SIRPG: variants seen among roughly 807,000 people sequenced by gnomAD.
SIRPG encodes the protein signal regulatory protein gamma.
SIRPG carries 38 observed loss-of-function variants against 35.7 expected under a neutral mutation model. The observed-to-expected ratio is 1.06, with a 90% CI of 0.82 to 1.40. The LOEUF (loss-of-function observed/expected upper bound fraction) is 1.40, where lower values mean the gene tolerates loss of function less well. Ranked by LOEUF, SIRPG falls within the 40% of genes most tolerant of loss-of-function variation. The probability of loss-of-function intolerance (pLI) is 0.00; values close to 1 mark genes in which losing one functional copy is unlikely to be tolerated. For missense variants in SIRPG, 519 were observed against 483.0 expected (o/e 1.07, Z -0.70); for synonymous variants, 215 against 190.4 (o/e 1.13, Z -1.06).
At chr20:1,668,456 G>T in the SIRPG span, among the ~76,000 whole-genome samples, 4 of 151,790 alleles carry the variant, frequency 2.6e-5, no homozygotes, top group Admixed American at 2.0e-4. Context: ...GCTAATTTTT[G>T]TATTTTTAGT....
the SIRPG span, among the ~76,000 whole-genome samples, chr20:1,686,430 G>A: frequency 1.3e-3 from 191 of 152,278 alleles, 1 homozygote; most frequent in African/African-American, 3.5e-3. Context: ...AGCCTGCTCC[G>A]TCCAAATATC....
At chr20:1,661,318 G>A (rs773433917), upstream of SIRPG, among the ~76,000 whole-genome samples, 36 of 152,272 alleles carry the variant, frequency 2.4e-4, no homozygotes, top group Admixed American at 1.9e-3. Context: ...TAGGCATGAC[G>A]TCTGGGGGAA....
At chr20:1,649,530 G>A in intron 1 of SIRPG, 122 bp from the exon 2 acceptor site, 1 of 815,326 alleles carries the variant, frequency 1.2e-6, no homozygotes, top group Non-Finnish European at 1.9e-6. Flanking sequence ...CTTGATCTCA[G>A]CACACTGCAT....
chr20:1,645,386 C>A (rs568775610), intron 2 of SIRPG, among the ~76,000 whole-genome samples: 20 of 152,080 alleles, frequency 1.3e-4, no homozygotes, highest in Non-Finnish European at 5.9e-5. Context: ...CATTTTTAGG[C>A]GGATCCTGGG....
chr20:1,670,063 G>A, the SIRPG span: 6 of 257,716 alleles, frequency 2.3e-5, no homozygotes, highest in Admixed American at 2.0e-4. Flanking sequence ...AGCTTGTCCA[G>A]TCGTAGGTGC....
Position 1,649,137 on chromosome 20 carries a change from G to T in SIRPG, c.345C>A (p.Gly115=). The T allele has an allele frequency of 6.2e-7, 1 of 1,613,968 alleles. No homozygotes were observed. Among genetic ancestry groups the T allele is most frequent in the Non-Finnish European group, 8.5e-7 (1 of 1,179,930 alleles). The change falls in exon 2 of 6, where the codon GGC becomes GGA. Residue 115 remains glycine, a synonymous_variant. Coordinates refer to ENST00000303415, the MANE Select transcript of SIRPG (RefSeq NM_018556.4). ...RISSITPADV[G]TYYCVKFRKG... ...TTCGAAACTTCACACAGTAGTATGT[G>T]CCGACATCTGCTGGGGTGATGCTAC...
the SIRPG span, among the ~76,000 whole-genome samples, chr20:1,680,350 G>A: frequency 6.6e-6 from 1 of 152,150 alleles, no homozygotes; most frequent in Non-Finnish European, 1.5e-5. Flanking sequence ...CCCCTGGTCT[G>A]GAGTACAGTT....
chr20:1,640,084 G>C (rs1480089437), intron 2 of SIRPG, among the ~76,000 whole-genome samples: 4 of 152,060 alleles, frequency 2.6e-5, no homozygotes, highest in Admixed American at 6.5e-5. Flanking sequence ...TTTTTGCTTA[G>C]GATTGTCTTG....
the SIRPG span, among the ~76,000 whole-genome samples, chr20:1,681,569 A>G: frequency 6.6e-6 from 1 of 152,152 alleles, no homozygotes; most frequent in Non-Finnish European, 1.5e-5. Flanking sequence ...CAGTGGCTCA[A>G]GCCTGTAATC....
rs973825275 is a variant in SIRPG at position 1,640,359 on chromosome 20, T to C, written c.431-3854A>G. 1.8e-4 allele frequency among the ~76,000 whole-genome samples: 28 copies of C among 152,314 alleles called. 1 individual carries two copies. The highest frequency in any genetic ancestry group is 1.2e-3 in the Admixed American group (18 of 15,304). On this transcript the variant is annotated intron_variant, in intron 2 of 5. Coordinates refer to ENST00000303415, the MANE Select transcript of SIRPG (RefSeq NM_018556.4). Reference sequence around the variant, plus strand: ...AGTTGTATTCCTAGGCATTTTATTCTCTTTGTACCAATTGTGAATGGGAGT... The same window carrying C: ...AGTTGTATTCCTAGGCATTTTATTCCCTTTGTACCAATTGTGAATGGGAGT...
intron 4 of SIRPG, among the ~76,000 whole-genome samples, chr20:1,631,902 C>T (rs149853014): frequency 7.0e-4 from 107 of 152,238 alleles, no homozygotes; most frequent in African/African-American, 2.4e-3. Context: ...TGAGAAGCTA[C>T]GAGTGATTGA....
chr20:1,668,208 T>TTTCTTTCTTTC, the SIRPG span, among the ~76,000 whole-genome samples: 13 of 36,252 alleles, frequency 3.6e-4, no homozygotes, highest in Non-Finnish European at 6.8e-4. Flanking sequence ...CTTTTCTTTC[T>TTTCTTTCTTTC]TTCTTTCTTT....
At chr20:1,680,425 A>G in the SIRPG span, among the ~76,000 whole-genome samples, 1 of 152,200 alleles carries the variant, frequency 6.6e-6, no homozygotes, top group African/African-American at 2.4e-5. Context: ...GGCTTTGCTC[A>G]CCTGATATGA....
chr20:1,662,259 G>C (rs1336336363), upstream of SIRPG, among the ~76,000 whole-genome samples: 1 of 152,230 alleles, frequency 6.6e-6, no homozygotes, highest in Non-Finnish European at 1.5e-5. Context: ...TGTAATTGAA[G>C]AATTTCTTGA....
At chr20:1,649,440 A>G (rs892083448) in intron 1 of SIRPG, 32 bp from the exon 2 acceptor site, 1 of 1,551,364 alleles carries the variant, frequency 6.4e-7, no homozygotes, top group African/African-American at 1.4e-5. Flanking sequence ...TCATTTTTTC[A>G]TCCTTACATA....
the SIRPG span, chr20:1,676,711 G>C: frequency 7.0e-5 from 12 of 171,098 alleles, no homozygotes; most frequent in African/African-American, 2.9e-4. Context: ...TGTTACCTGG[G>C]GAAAGTAGCC....
At chr20:1,632,769 A>C (rs1373466076) in intron 4 of SIRPG, among the ~76,000 whole-genome samples, 1 of 152,084 alleles carries the variant, frequency 6.6e-6, no homozygotes, top group Admixed American at 6.5e-5. Flanking sequence ...CCCCAGCCAT[A>C]AACGGAGGCA....
At chr20:1,678,016 A>G in the SIRPG span, among the ~76,000 whole-genome samples, 5,574 of 152,280 alleles carry the variant, frequency 0.037, 126 homozygotes, top group Non-Finnish European at 0.057. Context: ...ATGTATATGT[A>G]TAGGAAAGCA....
At chr20:1,677,986 A>T in the SIRPG span, among the ~76,000 whole-genome samples, 2 of 152,184 alleles carry the variant, frequency 1.3e-5, no homozygotes, top group Non-Finnish European at 2.9e-5. Flanking sequence ...CATTTGCTTG[A>T]CTATAATAAT....
Sources: gnomAD v4.1 joint callset for allele counts (sites outside exome capture counted in the v4.1 genomes callset) on GRCh38, gnomAD v4.1.1 for gene constraint, MANE v1.5 for transcripts, NCBI Gene and HGNC (gene_info 2026-07-23, HGNC 2026-07-21) for gene names.